Variants in RALGPS2 observed in about 807,000 individuals in gnomAD.
RALGPS2 encodes the protein Ral GEF with PH domain and SH3 binding motif 2, also known as ras-specific guanine nucleotide-releasing factor RalGPS2.
RALGPS2 carries 43 observed loss-of-function variants against 86.8 expected under a neutral mutation model. The ratio of observed to expected loss-of-function variants is 0.50; its 90% CI spans 0.39 to 0.64. The LOEUF is 0.64. Among genes scored for constraint, RALGPS2 ranks in the 30% least tolerant of loss-of-function variants. The pLI, the probability that RALGPS2 is intolerant of heterozygous loss-of-function variation, is 0.00. For synonymous variants in RALGPS2, 243 were observed against 231.3 expected, an observed-to-expected ratio of 1.05 and a Z score of -0.46; for missense variants, 536 against 694.6, an observed-to-expected ratio of 0.77 and a Z score of 2.57.
At chr1:178,761,647 G>A (rs779618895) in intron 1 of RALGPS2, among the ~76,000 whole-genome samples, 11 of 151,116 alleles carry the variant, frequency 7.3e-5, no homozygotes, top group Admixed American at 6.6e-5. Context: ...TGCAACCTCC[G>A]CCTTCCAGGT....
At chr1:178,817,493 C>G (rs575254890) in intron 6 of RALGPS2, among the ~76,000 whole-genome samples, 1 of 150,756 alleles carries the variant, frequency 6.6e-6, no homozygotes, top group South Asian at 2.1e-4. Flanking sequence ...TTTGTCTATT[C>G]TTATTCCAAT....
intron 17 of RALGPS2, among the ~76,000 whole-genome samples, chr1:178,898,086 AC>A (rs1660022685): frequency 2.0e-5 from 3 of 151,962 alleles, no homozygotes; most frequent in Non-Finnish European, 2.9e-5. Context: ...AGTTCTTTCC[AC>A]CTCAATCTCT....
At chr1:178,904,154 T>G (rs752237606) in intron 18 of RALGPS2, among the ~76,000 whole-genome samples, 6 of 152,208 alleles carry the variant, frequency 3.9e-5, no homozygotes, top group Non-Finnish European at 7.3e-5. Context: ...GTATCTTCTT[T>G]TGAGAATTGT....
chr1:178,857,379 A>G (rs912388786), intron 8 of RALGPS2, among the ~76,000 whole-genome samples: 1 of 152,176 alleles, frequency 6.6e-6, no homozygotes, highest in Non-Finnish European at 1.5e-5. Context: ...TTCTGCATCT[A>G]CTACAGGCTA....
At chr1:178,857,096 A>G (rs1228790132) in intron 8 of RALGPS2, among the ~76,000 whole-genome samples, 2 of 152,178 alleles carry the variant, frequency 1.3e-5, no homozygotes, top group Non-Finnish European at 1.5e-5. Flanking sequence ...AGAAAAGATG[A>G]AATTTACAGA....
rs199920441 is a variant in RALGPS2 at position 178,865,113 on chromosome 1, G to C, written c.608-12385G>C. ...GTATACTGTTGGCTGTTAGGAATAT[G>C]TTGTGGCACCACCTGGACAAGTGGG... On this transcript the variant is annotated intron_variant, in intron 8 of 19. Transcript: ENST00000367635. The C allele has an allele frequency of 1.4e-4, 216 of 1,578,856 alleles. 5 individuals are homozygous for C. The East Asian group carries it at 2.9e-3, about 21-fold the overall frequency.
rs61758795 is a variant in RALGPS2, at chr1:178,897,669, A to T, written c.1437A>T (p.Ala479=). ...CCTGTGTTTGTCCTATCCAGGTAGCATCTTGGACAAAATATTGGGCAGCTT... is the reference window on the plus strand; with the variant it reads ...CCTGTGTTTGTCCTATCCAGGTAGCTTCTTGGACAAAATATTGGGCAGCTT... The part of the protein sequence containing the change: ...LLKEGKKPTV[A]SWTKYWAALC... The change falls in exon 17 of 20, where the codon GCA becomes GCT. Residue 479 remains alanine (A), a synonymous_variant. Coordinates refer to ENST00000367635, the MANE Select transcript of RALGPS2 (RefSeq NM_152663.5). 5.6e-4 allele frequency: 894 copies of T among 1,610,784 alleles called. 1 individual carries two copies. The African/African-American group carries it at 0.011, about 20-fold the overall frequency.
intron 8 of RALGPS2, chr1:178,850,178 C>G (rs1023407958): frequency 1.3e-5 from 2 of 152,592 alleles, no homozygotes; most frequent in African/African-American, 4.8e-5. Flanking sequence ...TTAGTCCCAC[C>G]TGTTCTGAGC....
intron 4 of RALGPS2, among the ~76,000 whole-genome samples, chr1:178,802,004 A>G (rs1359650658): frequency 6.6e-6 from 1 of 152,186 alleles, no homozygotes; most frequent in African/African-American, 2.4e-5. Flanking sequence ...GTGTTACATC[A>G]CTAGCCTATC....
At chr1:178,758,201 G>T (rs550424719) in intron 1 of RALGPS2, among the ~76,000 whole-genome samples, 166 of 151,954 alleles carry the variant, frequency 1.1e-3, no homozygotes, top group Non-Finnish European at 1.2e-3. Flanking sequence ...CTGGTGGTCT[G>T]TTAATCTCAT....
intron 8 of RALGPS2, among the ~76,000 whole-genome samples, chr1:178,837,757 T>A (rs887010017): frequency 2.4e-4 from 36 of 151,624 alleles, no homozygotes; most frequent in African/African-American, 8.0e-4. Context: ...GTGCAAGGGG[T>A]CAGGGCATTC....
intron 14 of RALGPS2, 39 bp downstream of exon 14, chr1:178,889,735 T>C: frequency 7.0e-7 from 1 of 1,421,120 alleles, no homozygotes. Context: ...TGGAGTTTAT[T>C]TTGTCTGGGT....
chr1:178,804,396 T>C (rs1468526449), intron 4 of RALGPS2, among the ~76,000 whole-genome samples: 1 of 142,040 alleles, frequency 7.0e-6, no homozygotes, highest in Non-Finnish European at 1.5e-5. Flanking sequence ...CATCTAGCAT[T>C]AGGTATATCT....
At chr1:178,814,498 T>C (rs1178010013) in intron 6 of RALGPS2, among the ~76,000 whole-genome samples, 1 of 152,182 alleles carries the variant, frequency 6.6e-6, no homozygotes, top group African/African-American at 2.4e-5. Context: ...GCCAGTGGTG[T>C]GATCCCAACT....
intron 8 of RALGPS2, among the ~76,000 whole-genome samples, chr1:178,841,225 G>C (rs1257593192): frequency 6.6e-6 from 1 of 151,878 alleles, no homozygotes; most frequent in Non-Finnish European, 1.5e-5. Flanking sequence ...CAATATCCTT[G>C]ATGAACATTG....
chr1:178,883,593 T>C, intron 11 of RALGPS2, 60 bp downstream of exon 11: 2 of 1,296,094 alleles, frequency 1.5e-6, no homozygotes, highest in Non-Finnish European at 1.1e-6. Context: ...TAAGGAAGAA[T>C]ATACTCCAAA....
intron 19 of RALGPS2, among the ~76,000 whole-genome samples, chr1:178,911,685 C>G (rs1321778707): frequency 2.0e-5 from 3 of 152,142 alleles, no homozygotes; most frequent in African/African-American, 7.2e-5. Context: ...AATGTATATT[C>G]TTGTGTTGTT....
At chr1:178,845,833 A>G (rs1445812679) in intron 8 of RALGPS2, among the ~76,000 whole-genome samples, 1 of 152,194 alleles carries the variant, frequency 6.6e-6, no homozygotes, top group Admixed American at 6.5e-5. Flanking sequence ...GGAATTACAA[A>G]GGTCCAGGAT....
intron 19 of RALGPS2, among the ~76,000 whole-genome samples, chr1:178,909,809 C>A (rs1174086675): frequency 1.3e-5 from 2 of 151,706 alleles, no homozygotes; most frequent in East Asian, 3.9e-4. Context: ...GCCACCACGC[C>A]CAGCTAATTT....
Sources: allele counts gnomAD v4.1 joint callset (sites outside exome capture counted in the v4.1 genomes callset), GRCh38; gene constraint gnomAD v4.1.1; transcripts MANE v1.5; gene names NCBI Gene and HGNC (gene_info 2026-07-23, HGNC 2026-07-21).